HTR1F: variants seen among roughly 807,000 people sequenced by gnomAD.
HTR1F encodes the protein 5-hydroxytryptamine (serotonin) receptor 1F, G protein-coupled.
Under a neutral mutation model 24.0 loss-of-function variants are expected in HTR1F, and 17 were observed. The observed-to-expected ratio is 0.71, with a 90% CI of 0.48 to 1.06. The LOEUF is 1.06. HTR1F is among the 50% of genes least tolerant of loss of function. HTR1F has a pLI of 0.00. For missense variants in HTR1F, 391 were observed against 427.8 expected (o/e 0.91, Z 0.76); for synonymous variants, 186 against 156.8 (o/e 1.19, Z -1.39).
chr3:87,842,171 T>C (rs1704822839), intron 2 of HTR1F, among the ~76,000 whole-genome samples: 1 of 151,874 alleles, frequency 6.6e-6, no homozygotes, highest in African/African-American at 2.4e-5. Context: ...TGTTTTGTTT[T>C]GTTTTTTTGA....
chr3:87,821,895 G>T (rs1166612291), intron 1 of HTR1F, among the ~76,000 whole-genome samples, 113 bp from the exon 2 acceptor site: 1 of 152,132 alleles, frequency 6.6e-6, no homozygotes, highest in Non-Finnish European at 1.5e-5. Flanking sequence ...TGGTCAGAGA[G>T]GGGGAAAGAA....
chr3:87,881,965 C>A (rs1298484277), intron 2 of HTR1F, among the ~76,000 whole-genome samples: 5 of 152,100 alleles, frequency 3.3e-5, no homozygotes, highest in Non-Finnish European at 5.9e-5. Context: ...ACTCATCTGA[C>A]AAAGGGCTAA....
chr3:87,920,116 T>A (rs1703981484), intron 2 of HTR1F, among the ~76,000 whole-genome samples: 1 of 151,418 alleles, frequency 6.6e-6, no homozygotes, highest in Non-Finnish European at 1.5e-5. Flanking sequence ...TGAATGAGGT[T>A]GGAGACTATT....
chr3:87,912,789 C>T (rs1703809116), intron 2 of HTR1F, among the ~76,000 whole-genome samples: 1 of 151,962 alleles, frequency 6.6e-6, no homozygotes, highest in Admixed American at 6.6e-5. Context: ...AGGCTCCACA[C>T]CTACAATCAT....
chr3:87,897,428 A>C (rs1268020857), intron 2 of HTR1F, among the ~76,000 whole-genome samples: 2 of 152,076 alleles, frequency 1.3e-5, no homozygotes, highest in African/African-American at 4.8e-5. Flanking sequence ...AGCGGGCCAC[A>C]TATCAGTGCA....
intron 2 of HTR1F, among the ~76,000 whole-genome samples, chr3:87,937,708 G>A (rs1350324712): frequency 1.3e-5 from 2 of 152,088 alleles, no homozygotes; most frequent in South Asian, 4.1e-4. Context: ...AGGATCACAA[G>A]GTCAGGAGAT....
At chr3:87,989,672 A>G (rs9878862) in intron 2 of HTR1F, among the ~76,000 whole-genome samples, 90,061 of 152,010 alleles carry the variant, frequency 0.59, 26,951 homozygotes, top group South Asian at 0.73. Flanking sequence ...ATTAAGTACA[A>G]AATTATTATT....
intron 2 of HTR1F, among the ~76,000 whole-genome samples, chr3:87,906,153 A>G (rs1703663546): frequency 6.6e-6 from 1 of 152,164 alleles, no homozygotes; most frequent in Admixed American, 6.6e-5. Context: ...TATATAACTC[A>G]GGGTAAAAAT....
At chr3:87,920,887 T>A (rs545867682) in intron 2 of HTR1F, among the ~76,000 whole-genome samples, 11 of 152,164 alleles carry the variant, frequency 7.2e-5, no homozygotes, top group South Asian at 6.2e-4. Context: ...AAAGTTTTTT[T>A]AAAAAATATA....
At chr3:87,812,430 C>T (rs990162637) in intron 1 of HTR1F, among the ~76,000 whole-genome samples, 1 of 5,758 alleles carries the variant, frequency 1.7e-4, no homozygotes, top group Non-Finnish European at 2.8e-4. Context: ...GAATTTTGCC[C>T]CTGCCCTAGG....
At chr3:87,844,107 A>T (rs1181693150) in intron 2 of HTR1F, among the ~76,000 whole-genome samples, 36 of 151,130 alleles carry the variant, frequency 2.4e-4, no homozygotes, top group African/African-American at 8.3e-4. Context: ...CGCCACACTG[A>T]CTTCCACAAT....
chr3:87,887,056 C>T (rs1370092073), intron 2 of HTR1F, among the ~76,000 whole-genome samples: 6 of 152,156 alleles, frequency 3.9e-5, no homozygotes, highest in East Asian at 1.9e-4. Flanking sequence ...GGAGGCATCA[C>T]ACTACCTGAC....
intron 2 of HTR1F, among the ~76,000 whole-genome samples, chr3:87,930,512 A>G (rs971160536): frequency 1.3e-5 from 2 of 152,168 alleles, no homozygotes; most frequent in Non-Finnish European, 2.9e-5. Context: ...GAATTTTATC[A>G]AAAACCTTTT....
At position 87,927,066 on chromosome 3, in the gene HTR1F, C is replaced by A. The variant is rs546275294; in HGVS notation, c.-42-63642C>A. On this transcript the variant is annotated intron_variant, in intron 2 of 2. Coordinates refer to ENST00000319595, the MANE Select transcript of HTR1F (RefSeq NM_001322209.2). ...CAGGGGAGTGGTGGAAAGCCACAGT[C>A]GAGGCTTTGTAGAGGACTCTCAGAA... is the stretch of plus-strand genomic sequence containing the variant. 4.0e-4 allele frequency among the ~76,000 whole-genome samples: 61 copies of A among 152,166 alleles called. 1 individual carries two copies. The highest frequency in any genetic ancestry group is 1.4e-3 in the African/African-American group (59 of 41,526).
intron 2 of HTR1F, among the ~76,000 whole-genome samples, chr3:87,843,624 A>G (rs58359957): frequency 0.1 from 15,056 of 148,838 alleles, 952 homozygotes; most frequent in East Asian, 0.15. Flanking sequence ...GGTGTGCTGC[A>G]CCCATTAACT....
intron 2 of HTR1F, among the ~76,000 whole-genome samples, chr3:87,832,753 G>T (rs1704609356): frequency 6.6e-6 from 1 of 152,170 alleles, no homozygotes; most frequent in Admixed American, 6.5e-5. Flanking sequence ...CAGCCACAGA[G>T]TTTCTTTCAC....
At chr3:87,959,008 G>C (rs1705004755) in intron 2 of HTR1F, among the ~76,000 whole-genome samples, 1 of 151,562 alleles carries the variant, frequency 6.6e-6, no homozygotes, top group African/African-American at 2.4e-5. Flanking sequence ...TAAAATCCCT[G>C]CACCCAAATT....
At chr3:87,873,731 G>A (rs1286649633) in intron 2 of HTR1F, among the ~76,000 whole-genome samples, 1 of 152,126 alleles carries the variant, frequency 6.6e-6, no homozygotes, top group African/African-American at 2.4e-5. Flanking sequence ...TATACATCAT[G>A]ACCAAATGGG....
intron 2 of HTR1F, among the ~76,000 whole-genome samples, chr3:87,828,570 A>C (rs568890198): frequency 6.6e-6 from 1 of 152,326 alleles, no homozygotes; most frequent in East Asian, 1.9e-4. Context: ...CATCTCACCC[A>C]AGGAAGAATT....
Sources: gnomAD v4.1 joint callset for allele counts (sites outside exome capture counted in the v4.1 genomes callset) on GRCh38, gnomAD v4.1.1 for gene constraint, MANE v1.5 for transcripts, NCBI Gene and HGNC (gene_info 2026-07-23, HGNC 2026-07-21) for gene names.